Variants in HOMER3 observed in about 807,000 individuals in gnomAD.
The protein encoded by HOMER3 is homer scaffold protein 3.
In HOMER3, 34 loss-of-function variants were observed where a neutral mutation model predicts 45.5. The observed-to-expected ratio is 0.75, with a 90% CI of 0.57 to 1.00. The LOEUF is 1.00. HOMER3 is among the 50% of genes least tolerant of loss of function. HOMER3 has a pLI of 0.00. For synonymous variants in HOMER3, 223 were observed against 208.8 expected (o/e 1.07, Z -0.58); for missense variants, 480 against 497.5 (o/e 0.96, Z 0.33).
chr19:18,932,885 A>AACCCCCCCCCCCCCCCCCC, intron 6 of HOMER3, 39 bp downstream of exon 6: 1 of 687,532 alleles, frequency 1.5e-6, no homozygotes, highest in Non-Finnish European at 2.1e-6. Flanking sequence ...CCCCACCCCT[A>AACCCCCCCCCCCCCCCCCC]CCCCCGCCCC....
intron 8 of HOMER3, 47 bp downstream of exon 8, chr19:18,931,462 C>A: frequency 1.2e-6 from 2 of 1,612,506 alleles, no homozygotes; most frequent in Non-Finnish European, 1.7e-6. Context: ...GGCTTTCCCA[C>A]AGGAGGTGAG....
intron 9 of HOMER3, among the ~76,000 whole-genome samples, chr19:18,930,877 G>A (rs1025407128): frequency 2.0e-5 from 3 of 151,958 alleles, no homozygotes; most frequent in Non-Finnish European, 2.9e-5. Flanking sequence ...GTGTAGTGGC[G>A]GGCGCCTGTA....
In HOMER3 at chr19:18,931,374, C is replaced by T. The variant is rs778176197; in HGVS notation, c.845G>A (p.Arg282His). 5.6e-5 allele frequency: 90 copies of T among 1,614,010 alleles called. No individual in the cohort carries two copies. In the Admixed American group the frequency reaches 1.1e-3, roughly 21 times the overall value. Residue 282 changes from arginine to histidine, a missense_variant, in exon 9 of 10, where the codon CGC becomes CAC. Arg to His is a conservative substitution (Grantham distance 29). Transcript: ENST00000392351. ...ACGCTCGGCAGCCTCCAGGGCCTCG[C>T]GGGGCCCCCCAGTCTGACTCTTCAG... ...QTLKSQTGGP[R>H]EALEAAEREE...
In HOMER3 at chr19:18,938,786, G is replaced by A. The variant is rs1387089406; in HGVS notation, c.113C>T (p.Ser38Phe). Residue 38 changes from serine (S) to phenylalanine (F), a missense_variant, in exon 3 of 10, where the codon TCC becomes TTC. Transcript: ENST00000392351. ...ATTGCGGGTGGCATCGTAGAAATAG[G>A]AGACAGTGAGTGCGTGCTTGCCCGC... ...IPAGKHALTVSYFYDATRNVY... is the reference protein window; with the variant it reads ...IPAGKHALTVFYFYDATRNVY... 6.2e-7 allele frequency: 1 copy of A among 1,600,786 alleles called. No individual in the cohort carries two copies. The highest frequency in any genetic ancestry group is 2.2e-5 in the East Asian group (1 of 44,508).
chr19:18,931,015 T>TA (rs760903786), intron 9 of HOMER3, among the ~76,000 whole-genome samples: 12 of 150,486 alleles, frequency 8.0e-5, no homozygotes, highest in South Asian at 4.2e-4. Context: ...CTCAAAGAAT[T>TA]AAAAAAAAAT....
At chr19:18,940,401 C>T (rs2145137811) in intron 1 of HOMER3, 1 of 152,394 alleles carries the variant, frequency 6.6e-6, no homozygotes, top group African/African-American at 2.4e-5. Flanking sequence ...CCGGGATCCC[C>T]AATCTGGCCG....
At chr19:18,933,469 C>A (rs531937844) in intron 5 of HOMER3, among the ~76,000 whole-genome samples, 9 of 152,330 alleles carry the variant, frequency 5.9e-5, no homozygotes, top group South Asian at 2.1e-4. Context: ...AACCCCACTG[C>A]CTGGACCACT....
At chr19:18,930,224 T>C (rs1291524545) in intron 9 of HOMER3, among the ~76,000 whole-genome samples, 1 of 125,710 alleles carries the variant, frequency 8.0e-6, no homozygotes, top group African/African-American at 3.1e-5. Context: ...CACTCCAGCC[T>C]GGGTGACAGA....
chr19:18,931,562 C>T lies in HOMER3; in HGVS notation c.754G>A (p.Gly252Ser), dbSNP rs764770947. 7 of 1,613,516 alleles carry T rather than the reference C, an allele frequency of 4.3e-6. No individual in the cohort carries two copies. Among genetic ancestry groups the T allele is most frequent in the Non-Finnish European group, 5.9e-6 (7 of 1,179,978 alleles). ...VTPTGEKEGL[G>S]QGQSLEQLEA... Reference sequence around the variant, plus strand: ...AGCTGTTCCAGCGACTGGCCCTGGCCCAGCCCCTCCTTCTCACCGGTGGGG... The same window carrying T: ...AGCTGTTCCAGCGACTGGCCCTGGCTCAGCCCCTCCTTCTCACCGGTGGGG... Residue 252 changes from glycine (G) to serine (S), a missense_variant, in exon 8 of 10, where the codon GGC (glycine) becomes AGC (serine). Physicochemically the swap from Gly to Ser is moderately conservative, Grantham distance 56. Coordinates refer to ENST00000392351, the MANE Select transcript of HOMER3 (RefSeq NM_004838.4).
intron 5 of HOMER3, among the ~76,000 whole-genome samples, chr19:18,933,393 A>G (rs2057059649): frequency 6.6e-6 from 1 of 152,194 alleles, no homozygotes; most frequent in Admixed American, 6.5e-5. Context: ...CTGAGGCCGA[A>G]CTTCAACATC....
chr19:18,936,808 T>A (rs1361864963), intron 4 of HOMER3, among the ~76,000 whole-genome samples: 1 of 150,038 alleles, frequency 6.7e-6, no homozygotes, highest in Admixed American at 6.6e-5. Flanking sequence ...GCTAACACGG[T>A]GAAACCCCCG....
intron 7 of HOMER3, 75 bp downstream of exon 7, chr19:18,931,901 T>A: frequency 6.9e-7 from 1 of 1,447,508 alleles, no homozygotes; most frequent in Non-Finnish European, 9.1e-7. Context: ...CCAGGGCAGA[T>A]GGGAACTGCC....
rs148293939 is a variant in HOMER3, at chr19:18,931,328, C to G, written c.891G>C (p.Val297=). 6.2e-7 allele frequency: 1 copy of G among 1,613,906 alleles called. No homozygotes were observed. Among genetic ancestry groups the G allele is most frequent in the Non-Finnish European group, 8.5e-7 (1 of 1,179,956 alleles). Residue 297 remains valine (V), a synonymous_variant, in exon 9 of 10, where the codon GTG becomes GTC. Transcript: ENST00000392351. The stretch of plus-strand genomic sequence containing the variant: ...ACCTCCTTGTGCCCACACACACCTG[C>G]ACCTTCTGCTGAGTCTCCTCACGCT... ...AAEREETQQK[V]QDLETRNAEL...
chr19:18,930,382 C>T (rs1386690841), intron 9 of HOMER3, among the ~76,000 whole-genome samples: 1 of 145,948 alleles, frequency 6.9e-6, no homozygotes, highest in Non-Finnish European at 1.5e-5. Flanking sequence ...CCCGTCTCTA[C>T]CAAAAAATAC....
At position 18,932,174 on chromosome 19, in the gene HOMER3, G is replaced by A. The variant is rs1460725927; in HGVS notation, c.534-42C>T. On this transcript the variant is annotated intron_variant, in intron 6 of 9. Transcript: ENST00000392351. ...GTCGGCAGTGGGTGACACGGGGCTG[G>A]GGGGCGGAGTCGGGCGATGCTGGGC... The A allele has an allele frequency of 1.3e-5, 19 of 1,500,130 alleles. No individual in the cohort carries two copies. In the African/African-American group the frequency reaches 2.2e-4, roughly 18 times the overall value. The allele number at this position is 1,500,130 out of a possible 1,614,324, so 92.9% of individuals were successfully genotyped here. A position where few individuals can be genotyped will look rare whatever the true frequency, so the allele number is the denominator to read the frequency against.
At chr19:18,932,488 A>C (rs1370564972) in intron 6 of HOMER3, among the ~76,000 whole-genome samples, 3 of 151,914 alleles carry the variant, frequency 2.0e-5, no homozygotes, top group Non-Finnish European at 4.4e-5. Flanking sequence ...GGATGTGGCG[A>C]CACTGATTGC....
intron 5 of HOMER3, 75 bp from the exon 6 acceptor site, chr19:18,933,120 A>T: frequency 7.2e-7 from 1 of 1,386,678 alleles, no homozygotes; most frequent in Non-Finnish European, 9.4e-7. Context: ...GGGTCGTCAC[A>T]TCGGGGGTGC....
chr19:18,933,531 C>T (rs1195939990), intron 5 of HOMER3, among the ~76,000 whole-genome samples: 2 of 152,202 alleles, frequency 1.3e-5, no homozygotes, highest in Non-Finnish European at 2.9e-5. Context: ...CCAGCGCCAC[C>T]GCAGCCCAGT....
chr19:18,931,885 A>G (rs1003587794), intron 7 of HOMER3, 91 bp downstream of exon 7: 53 of 1,437,740 alleles, frequency 3.7e-5, no homozygotes, highest in Non-Finnish European at 4.6e-5. Flanking sequence ...CAGCTAGTCC[A>G]TGAACCCAGG....
Sources: gnomAD v4.1 joint callset for allele counts (sites outside exome capture counted in the v4.1 genomes callset) on GRCh38, gnomAD v4.1.1 for gene constraint, MANE v1.5 for transcripts, NCBI Gene and HGNC (gene_info 2026-07-23, HGNC 2026-07-21) for gene names.